The following ARVCF variants were observed in gnomAD, a reference collection of about 807,000 sequenced individuals.
ARVCF encodes splicing regulator ARVCF.
A neutral mutation model predicts 90.9 loss-of-function variants in ARVCF; 66 were observed. The observed-to-expected ratio is 0.73, with a 90% CI of 0.60 to 0.89. The LOEUF (loss-of-function observed/expected upper bound fraction) is 0.89, where lower values mean the gene tolerates loss of function less well. Among genes scored for constraint, ARVCF ranks in the 40% least tolerant of loss-of-function variants. The pLI is 0.00. For missense variants in ARVCF, 1,469 were observed against 1,382.3 expected, an observed-to-expected ratio of 1.06 and a Z score of -1.00; for synonymous variants, 653 against 603.4, an observed-to-expected ratio of 1.08 and a Z score of -1.21.
At chr22:19,966,026 T>C (rs529410576), downstream of ARVCF, among the ~76,000 whole-genome samples, 13 of 152,344 alleles carry the variant, frequency 8.5e-5, no homozygotes, top group African/African-American at 2.9e-4. Flanking sequence ...TGGGTGCTAA[T>C]TACAGGGGCC....
In ARVCF at chr22:19,970,594, G is replaced by GGGGGGCC; in HGVS notation, c.*161_*162insGGCCCCC. The GGGGGGCC allele has an allele frequency of 3.8e-6, 2 of 524,800 alleles. No individual in the cohort carries two copies. The highest frequency in any genetic ancestry group is 6.3e-6 in the Non-Finnish European group (2 of 316,706). 32.5% of individuals were successfully genotyped at this position (524,800 alleles called of 1,614,324 possible). Reference sequence around the variant, plus strand: ...AGGATGGGGGGAGTGGGGTGGGGGGGCAGGAGGGTGTCCCCAAAGTCAGGC... The same window carrying GGGGGGCC: ...AGGATGGGGGGAGTGGGGTGGGGGGGGGGGGCCCAGGAGGGTGTCCCCAAAGTCAGGC... On this transcript the variant is annotated 3_prime_UTR_variant, in exon 20 of 20. Coordinates refer to ENST00000263207, the MANE Select transcript of ARVCF (RefSeq NM_001670.3).
chr22:19,973,218 A>G lies in ARVCF; in HGVS notation c.2339T>C (p.Leu780Pro). The change falls in exon 14 of 20, where the codon CTC becomes CCC. Residue 780 changes from leucine (L) to proline (P), a missense_variant. Leu to Pro is a moderately conservative substitution (Grantham distance 98). Transcript: ENST00000263207. ...GGACACGATTTCGTGGATGGTGTTG[A>G]GCACCGCCACCACGGTGTCTTCCTC... ...CLEEDTVVAV[L>P]NTIHEIVSDS... The G allele has an allele frequency of 6.2e-7, 1 of 1,610,722 alleles. No homozygotes were observed. The highest frequency in any genetic ancestry group is 1.1e-5 in the South Asian group (1 of 90,658).
chr22:19,966,443 AAAAAAAAAAAAAG>A, downstream of ARVCF, among the ~76,000 whole-genome samples: 1 of 151,514 alleles, frequency 6.6e-6, no homozygotes, highest in African/African-American at 2.4e-5. Context: ...CCTTAAAAAA[AAAAAAAAAAAAAG>A]AAAAAGACAG....
chr22:19,972,883 CAA>C (rs1942902436), intron 15 of ARVCF, 40 bp downstream of exon 15: 1 of 1,613,808 alleles, frequency 6.2e-7, no homozygotes, highest in Non-Finnish European at 8.5e-7. Context: ...GGGAATAAGG[CAA>C]AGTGAGCAGG....
intron 11 of ARVCF, among the ~76,000 whole-genome samples, chr22:19,974,497 G>A (rs1443378167): frequency 6.6e-6 from 1 of 152,142 alleles, no homozygotes; most frequent in Non-Finnish European, 1.5e-5. Context: ...CCTGGGGTGG[G>A]GAGGGAGGTG....
chr22:19,984,052 A>C (rs908094656), intron 3 of ARVCF, among the ~76,000 whole-genome samples: 5 of 152,206 alleles, frequency 3.3e-5, no homozygotes, highest in African/African-American at 1.2e-4. Context: ...TCTGAGTTCA[A>C]GCAGGGGCCC....
rs1944691922 is a variant in ARVCF, at chr22:20,007,952, C to T, written c.-19+2503G>A. Among the ~76,000 whole-genome samples, 7 of 152,142 alleles carry T rather than the reference C, an allele frequency of 4.6e-5. No homozygotes were observed. In the South Asian group the frequency reaches 1.4e-3, roughly 32 times the overall value. ...TACCTTCTAGAAGAAAAGACAGGTG[C>T]ATCTTTATCTGGCTGCATGCTAGGG... On this transcript the variant is annotated intron_variant, in intron 2 of 19. Transcript: ENST00000263207.
downstream of ARVCF, chr22:19,967,017 T>C (rs557593950): frequency 2.4e-5 from 29 of 1,199,716 alleles, no homozygotes; most frequent in African/African-American, 3.7e-4. Flanking sequence ...GGTAGGAGGC[T>C]TGCAGTGTCG....
intron 2 of ARVCF, among the ~76,000 whole-genome samples, chr22:19,993,374 G>A (rs1245863777): frequency 6.6e-6 from 1 of 152,232 alleles, no homozygotes; most frequent in Non-Finnish European, 1.5e-5. Flanking sequence ...TTATATTCAA[G>A]TAATAAATAT....
At chr22:20,002,619 G>C (rs559830386) in intron 2 of ARVCF, among the ~76,000 whole-genome samples, 2 of 152,176 alleles carry the variant, frequency 1.3e-5, no homozygotes, top group Admixed American at 1.3e-4. Context: ...ACCCAGAGAA[G>C]TAGTTTTAAG....
chr22:20,009,532 G>A (rs1422804238), intron 2 of ARVCF, among the ~76,000 whole-genome samples: 2 of 152,258 alleles, frequency 1.3e-5, no homozygotes, highest in African/African-American at 4.8e-5. Flanking sequence ...CTCCCACAGA[G>A]ACTGCTTTTT....
rs764637428 is a variant in ARVCF, at chr22:19,977,604, T to C, written c.1699-18A>G. 6.7e-7 allele frequency: 1 copy of C among 1,498,860 alleles called. No individual in the cohort carries two copies. The highest frequency in any genetic ancestry group is 8.9e-7 in the Non-Finnish European group (1 of 1,122,280). The allele number at this position is 1,498,860 out of a possible 1,614,324, so 92.8% of individuals were successfully genotyped here. ...TCCACCGACTGCAGGGAGAGGTGAG[T>C]GGGTGGGGCAGGGCACCCTAGGCAC... On this transcript the variant is annotated intron_variant, in intron 8 of 19. Coordinates refer to ENST00000263207, the MANE Select transcript of ARVCF (RefSeq NM_001670.3).
At chr22:20,000,878 C>A (rs570970335) in intron 2 of ARVCF, among the ~76,000 whole-genome samples, 1 of 152,190 alleles carries the variant, frequency 6.6e-6, no homozygotes, top group African/African-American at 2.4e-5. Context: ...GACTTCCCAG[C>A]CTCCAGCACT....
intron 3 of ARVCF, among the ~76,000 whole-genome samples, chr22:19,987,384 C>T (rs1207566170): frequency 4.3e-5 from 6 of 140,326 alleles, no homozygotes; most frequent in African/African-American, 1.3e-4. Context: ...CCCCCCACTT[C>T]CCACCACCTC....
chr22:20,011,810 T>C (rs533964928), intron 1 of ARVCF, among the ~76,000 whole-genome samples: 1 of 152,016 alleles, frequency 6.6e-6, no homozygotes, highest in Non-Finnish European at 1.5e-5. Context: ...AAACCTCTGG[T>C]TTTAGCTTAA....
intron 2 of ARVCF, among the ~76,000 whole-genome samples, chr22:20,006,186 T>C (rs1944618266): frequency 6.6e-6 from 1 of 152,216 alleles, no homozygotes; most frequent in Admixed American, 6.5e-5. Context: ...TGCACAGCAA[T>C]GTGAACAAAC....
downstream of ARVCF, chr22:19,968,631 C>T (rs1481503804): frequency 6.2e-7 from 1 of 1,614,098 alleles, no homozygotes; most frequent in African/African-American, 1.3e-5. Context: ...GCGGGAGCAG[C>T]TGCTTTGAGT....
At chr22:19,979,424 A>G (rs1034954906) in intron 6 of ARVCF, 12 of 527,246 alleles carry the variant, frequency 2.3e-5, no homozygotes, top group Non-Finnish European at 3.7e-5. Context: ...CACAAGCCCC[A>G]CCACTGCACG....
At chr22:19,975,943 T>C (rs1943131377) in intron 10 of ARVCF, among the ~76,000 whole-genome samples, 186 bp from the exon 11 acceptor site, 1 of 151,886 alleles carries the variant, frequency 6.6e-6, no homozygotes, top group African/African-American at 2.4e-5. Context: ...GGGGTAGGAG[T>C]TGGTGGCAGT....
Sources: gnomAD v4.1 joint callset for allele counts (sites outside exome capture counted in the v4.1 genomes callset) on GRCh38, gnomAD v4.1.1 for gene constraint, MANE v1.5 for transcripts, NCBI Gene and HGNC (gene_info 2026-07-23, HGNC 2026-07-21) for gene names.